FARS2: variants seen among roughly 807,000 people sequenced by gnomAD.
FARS2 encodes phenylalanyl-tRNA synthetase 2, mitochondrial.
Under a neutral mutation model 46.4 loss-of-function variants are expected in FARS2, and 40 were observed. The observed-to-expected ratio is 0.86, with a 90% confidence interval of 0.67 to 1.12. FARS2 has a LOEUF of 1.12. FARS2 is among the 50% of genes most tolerant of loss of function. The pLI is 0.00. For synonymous variants in FARS2, 234 were observed against 214.9 expected, an observed-to-expected ratio of 1.09 and a Z score of -0.78; for missense variants, 513 against 567.9, an observed-to-expected ratio of 0.90 and a Z score of 0.98.
intron 5 of FARS2, among the ~76,000 whole-genome samples, chr6:5,576,142 A>G (rs1452912111): frequency 6.6e-6 from 1 of 152,172 alleles, no homozygotes; most frequent in African/African-American, 2.4e-5. Context: ...TCTGTAAGGT[A>G]TTTATAATTC....
intron 4 of FARS2, among the ~76,000 whole-genome samples, chr6:5,460,819 T>C (rs189728741): frequency 3.9e-5 from 6 of 152,094 alleles, no homozygotes; most frequent in Non-Finnish European, 8.8e-5. Context: ...TACATCTAAT[T>C]GGAGAAACCT....
intron 2 of FARS2, among the ~76,000 whole-genome samples, chr6:5,386,847 T>C (rs1300171771): frequency 1.3e-5 from 2 of 152,080 alleles, no homozygotes; most frequent in Admixed American, 1.3e-4. Flanking sequence ...GGTGCATCTG[T>C]GTATCTGGGC....
rs147140156 is a variant in FARS2, at chr6:5,647,921, G to A, written c.1217+34601G>A. Among the ~76,000 whole-genome samples the A allele has an allele frequency of 5.2e-3, 787 of 152,126 alleles. 6 individuals are homozygous for A. Among genetic ancestry groups the A allele is most frequent in the African/African-American group, 0.018 (749 of 41,502 alleles). On this transcript the variant is annotated intron_variant, in intron 6 of 6. Transcript: ENST00000274680. ...ATCACCGTGGTTTGAATCACAGCTC[G>A]GTATTCACTCACCATTATTTTCATT...
intron 6 of FARS2, among the ~76,000 whole-genome samples, chr6:5,666,782 G>A (rs1015651370): frequency 5.9e-5 from 9 of 152,094 alleles, no homozygotes; most frequent in African/African-American, 1.9e-4. Context: ...ATGTGTATTC[G>A]TTGCTATTCA....
intron 6 of FARS2, among the ~76,000 whole-genome samples, chr6:5,664,286 G>A (rs538819762): frequency 6.6e-6 from 1 of 152,310 alleles, no homozygotes; most frequent in East Asian, 1.9e-4. Context: ...TATCCAAGTG[G>A]CTGAGAATCA....
chr6:5,527,449 A>G (rs1332775331), intron 4 of FARS2, among the ~76,000 whole-genome samples: 1 of 152,158 alleles, frequency 6.6e-6, no homozygotes, highest in East Asian at 1.9e-4. Context: ...AGTTTTGATA[A>G]CTCTTGTTAA....
intron 6 of FARS2, among the ~76,000 whole-genome samples, chr6:5,768,109 A>G (rs1762842952): frequency 6.6e-6 from 1 of 152,176 alleles, no homozygotes; most frequent in African/African-American, 2.4e-5. Context: ...GGAAGACAGG[A>G]GTATGTCCTG....
chr6:5,457,267 CAGG>C (rs1292187340), intron 4 of FARS2, among the ~76,000 whole-genome samples: 3 of 152,186 alleles, frequency 2.0e-5, no homozygotes, highest in Non-Finnish European at 4.4e-5. Context: ...CCCCTATGGT[CAGG>C]GGGCATGGGT....
chr6:5,395,612 TCTC>T (rs1445026881), intron 2 of FARS2, among the ~76,000 whole-genome samples: 9 of 152,310 alleles, frequency 5.9e-5, no homozygotes, highest in African/African-American at 1.9e-4. Flanking sequence ...TCTTATTAGT[TCTC>T]CTCTCCTTAT....
At chr6:5,260,598 T>TGCCCCGGCCCCCGGG, upstream of FARS2, 2 of 1,105,568 alleles carry the variant, frequency 1.8e-6, no homozygotes, top group Non-Finnish European at 2.6e-6. Context: ...GCACCCCCGG[T>TGCCCCGGCCCCCGGG]CCCCGGCCCC....
chr6:5,602,670 A>AAAAAAAGG lies in FARS2; in HGVS notation c.1066-10499_1066-10498insAAAAAAGG, dbSNP rs1554114901. ...CAAAAAAAAAAAAAAAAAAAAAAAA[A>AAAAAAAGG]GGGAACCTCCCAGGATTTTAACCTT... On this transcript the variant is annotated intron_variant, in intron 5 of 6. Coordinates refer to ENST00000274680, the MANE Select transcript of FARS2 (RefSeq NM_006567.5). Among the ~76,000 whole-genome samples, 8 of 137,744 alleles carry AAAAAAAGG rather than the reference A, an allele frequency of 5.8e-5. No homozygotes were observed. The East Asian group carries it at 6.2e-4, about 11-fold the overall frequency. The allele number at this position is 137,744 out of a possible 152,430, so 90.4% of individuals were successfully genotyped here.
intron 4 of FARS2, among the ~76,000 whole-genome samples, chr6:5,543,697 G>C (rs979279955): frequency 1.3e-5 from 2 of 152,050 alleles, no homozygotes; most frequent in Non-Finnish European, 2.9e-5. Context: ...TAAATGCAAG[G>C]TAGAAATGAG....
intron 5 of FARS2, among the ~76,000 whole-genome samples, chr6:5,549,980 G>A (rs569579943): frequency 1.1e-4 from 16 of 152,164 alleles, no homozygotes; most frequent in Middle Eastern, 3.4e-3. Flanking sequence ...ATCTAAAGCT[G>A]GTTTATGTGA....
intron 1 of FARS2, among the ~76,000 whole-genome samples, chr6:5,283,187 A>G (rs2127864627): frequency 6.6e-6 from 1 of 152,230 alleles, no homozygotes. Context: ...AGCCTGACCA[A>G]TATGAAGAAA....
At chr6:5,528,100 C>A (rs1769584969) in intron 4 of FARS2, among the ~76,000 whole-genome samples, 1 of 152,106 alleles carries the variant, frequency 6.6e-6, no homozygotes, top group Admixed American at 6.5e-5. Flanking sequence ...TACCCTATCC[C>A]AATTTGGTCA....
intron 1 of FARS2, among the ~76,000 whole-genome samples, chr6:5,277,291 TTAAA>T (rs541207861): frequency 4.0e-5 from 6 of 151,678 alleles, no homozygotes; most frequent in Admixed American, 3.9e-4. Context: ...AACCAAAACA[TTAAA>T]TAAAGTAGCA....
At chr6:5,314,610 T>G (rs1769317600) in intron 1 of FARS2, among the ~76,000 whole-genome samples, 1 of 152,160 alleles carries the variant, frequency 6.6e-6, no homozygotes, top group African/African-American at 2.4e-5. Flanking sequence ...CTCCTCAGTT[T>G]GAGTGGGTGT....
rs1442705371 is a variant in FARS2, at chr6:5,341,216, TATATATATATATATA to T, written c.-21-27333_-21-27319del. On this transcript the variant is annotated intron_variant, in intron 1 of 6. Transcript: ENST00000274680. ...ATATATATATATATATATATATATA[TATATATATATATATA>T]TATATTTTTTTTTTTTTTTTTTTTT... is the stretch of plus-strand genomic sequence containing the variant. Among the ~76,000 whole-genome samples, 30 of 6,938 alleles carry T rather than the reference TATATATATATATATA, an allele frequency of 4.3e-3. 4 individuals are homozygous for T. In the South Asian group the frequency reaches 0.051, roughly 12 times the overall value. The allele number at this position is 6,938 out of a possible 152,430, so 4.6% of individuals were successfully genotyped here.
intron 6 of FARS2, among the ~76,000 whole-genome samples, chr6:5,672,867 G>A (rs1438029016): frequency 2.0e-5 from 3 of 152,142 alleles, no homozygotes; most frequent in African/African-American, 4.8e-5. Flanking sequence ...CTTTGGATTA[G>A]AAACGCCTTT....
Sources: allele counts gnomAD v4.1 joint callset (sites outside exome capture counted in the v4.1 genomes callset), GRCh38; gene constraint gnomAD v4.1.1; transcripts MANE v1.5; gene names NCBI Gene and HGNC (gene_info 2026-07-23, HGNC 2026-07-21).